The following COG2 variants were observed in gnomAD, a reference collection of about 807,000 sequenced individuals.
COG2 encodes component of oligomeric golgi complex 2.
Under a neutral mutation model 90.6 loss-of-function variants are expected in COG2, and 52 were observed. The ratio of observed to expected loss-of-function variants is 0.57; its 90% CI spans 0.46 to 0.72. The LOEUF (loss-of-function observed/expected upper bound fraction) is 0.72, where lower values mean the gene tolerates loss of function less well. Among genes scored for constraint, COG2 ranks in the 30% least tolerant of loss-of-function variants. The pLI, the probability that COG2 is intolerant of heterozygous loss-of-function variation, is 0.00. For missense variants in COG2, 829 were observed against 891.2 expected, an observed-to-expected ratio of 0.93 and a Z score of 0.89; for synonymous variants, 337 against 320.4, an observed-to-expected ratio of 1.05 and a Z score of -0.55.
rs376181628 is a variant in COG2 at position 230,669,356 on chromosome 1, C to T, written c.595C>T (p.Arg199Cys). The change falls in exon 7 of 18, where the codon CGT becomes TGT. Residue 199 changes from arginine to cysteine, a missense_variant and splice_region_variant. Arg to Cys is a radical substitution (Grantham distance 180). Coordinates refer to ENST00000366669, the MANE Select transcript of COG2 (RefSeq NM_007357.3). ...GMPLLDKVRP[R>C]IAGITAMLQQ... is the part of the protein sequence containing the mutation. ...TTTATTTACCCACCTTTTCTTGCAG[C>T]GTATAGCTGGCATTACAGCCATGTT... The T allele has an allele frequency of 1.0e-5, 16 of 1,603,450 alleles. No homozygotes were observed. The highest frequency in any genetic ancestry group is 1.3e-5 in the African/African-American group (1 of 74,468).
intron 17 of COG2, among the ~76,000 whole-genome samples, chr1:230,692,838 G>C (rs972133105): frequency 2.6e-5 from 4 of 151,938 alleles, no homozygotes; most frequent in Admixed American, 1.3e-4. Context: ...CCATGTCTCG[G>C]TGACCAAAAT....
At chr1:230,688,322 T>A in intron 14 of COG2, 98 bp from the exon 15 acceptor site, 1 of 1,439,862 alleles carries the variant, frequency 6.9e-7, no homozygotes, top group African/African-American at 1.4e-5. Flanking sequence ...TGATCTGATT[T>A]ATTATAGTAC....
chr1:230,686,969 A>C lies in COG2; in HGVS notation c.1415A>C (p.Lys472Thr). ...SLRPISNESP[K>T]EIKKPLVTGS... Reference sequence around the variant, plus strand: ...AGGCCCATTTCTAATGAAAGTCCCAAGGAGATCAAGAAACCTTTGGTAACT... The same window carrying C: ...AGGCCCATTTCTAATGAAAGTCCCACGGAGATCAAGAAACCTTTGGTAACT... The change falls in exon 13 of 18, where the codon AAG (lysine) becomes ACG (threonine). Residue 472 changes from lysine (K) to threonine (T), a missense_variant. Physicochemically the swap from Lys to Thr is moderately conservative, Grantham distance 78. Coordinates refer to ENST00000366669, the MANE Select transcript of COG2 (RefSeq NM_007357.3). 1 of 1,595,490 alleles carries C rather than the reference A, an allele frequency of 6.3e-7. No homozygotes were observed. The highest frequency in any genetic ancestry group is 8.6e-7 in the Non-Finnish European group (1 of 1,168,516).
intron 1 of COG2, among the ~76,000 whole-genome samples, chr1:230,645,610 T>C (rs1463382975): frequency 6.6e-6 from 1 of 152,160 alleles, no homozygotes; most frequent in Non-Finnish European, 1.5e-5. Flanking sequence ...GGGATGGTTT[T>C]GGGGTGATTC....
rs773367874 is a variant in COG2, at chr1:230,663,151, C to G, written c.311C>G (p.Ser104Trp). The G allele has an allele frequency of 6.2e-7, 1 of 1,604,870 alleles. No individual in the cohort carries two copies. Among genetic ancestry groups the G allele is most frequent in the Non-Finnish European group, 8.5e-7 (1 of 1,175,908 alleles). The change falls in exon 4 of 18, where the codon TCG becomes TGG. Residue 104 changes from serine to tryptophan, a missense_variant. Coordinates refer to ENST00000366669, the MANE Select transcript of COG2 (RefSeq NM_007357.3). ...QLREEVLSLR[S>W]SVSEGIRAVD... ...TTTTGTCTTTTAAAGAGCCTTAGAT[C>G]GTCTGTCAGTGAAGGAATTCGGGCA...
intron 7 of COG2, 43 bp downstream of exon 7, chr1:230,669,578 T>G (rs1662399671): frequency 1.3e-6 from 2 of 1,545,056 alleles, no homozygotes; most frequent in Non-Finnish European, 1.8e-6. Context: ...GCTTCTGTTC[T>G]GTCTTTGACT....
chr1:230,647,231 T>C (rs1223885467), intron 1 of COG2, among the ~76,000 whole-genome samples: 1 of 152,206 alleles, frequency 6.6e-6, no homozygotes, highest in African/African-American at 2.4e-5. Context: ...GGTTATCTGA[T>C]TGAAAAAACA....
chr1:230,668,638 CTTAGGGG>C, intron 5 of COG2, 31 bp from the exon 6 acceptor site: 1 of 1,295,918 alleles, frequency 7.7e-7, no homozygotes, highest in Non-Finnish European at 1.1e-6. Context: ...AAATAGAGAC[CTTAGGGG>C]TTACACTTCT....
chr1:230,686,862 C>T (rs989975920), intron 12 of COG2, 73 bp from the exon 13 acceptor site: 24 of 940,514 alleles, frequency 2.6e-5, no homozygotes, highest in Non-Finnish European at 3.7e-5. Context: ...TATTGACGCG[C>T]ACATATGTAA....
chr1:230,691,730 G>A, intron 17 of COG2, 166 bp downstream of exon 17: 2 of 615,536 alleles, frequency 3.2e-6, no homozygotes, highest in Non-Finnish European at 5.6e-6. Flanking sequence ...TTTGCCCCTA[G>A]GCAGTATGAG....
intron 10 of COG2, chr1:230,681,944 C>T (rs1038245884): frequency 6.6e-6 from 1 of 150,988 alleles, no homozygotes; most frequent in Non-Finnish European, 1.5e-5. Flanking sequence ...GGCTCTGCTG[C>T]ATTTCTTTGG....
intron 9 of COG2, among the ~76,000 whole-genome samples, chr1:230,676,065 G>C (rs1360568343): frequency 2.0e-5 from 3 of 152,076 alleles, no homozygotes; most frequent in Non-Finnish European, 4.4e-5. Flanking sequence ...CATTTTAAAG[G>C]CTCAGCCTCT....
rs529611517 is a variant in COG2 at position 230,668,783 on chromosome 1, C to T, written c.593C>T (p.Pro198Leu). Residue 198 changes from proline to leucine, a missense_variant and splice_region_variant, in exon 6 of 18, where the codon CCG becomes CTG. Coordinates refer to ENST00000366669, the MANE Select transcript of COG2 (RefSeq NM_007357.3). The part of the protein sequence containing the change: ...KGMPLLDKVR[P>L]RIAGITAMLQ... The stretch of plus-strand genomic sequence containing the variant: ...ATGCCTCTTTTGGACAAAGTAAGAC[C>T]GGTAAGTGTTGTTTTGGATTTCCAC... 1.1e-5 allele frequency: 18 copies of T among 1,578,020 alleles called. No homozygotes were observed. The East Asian group carries it at 1.4e-4, about 12-fold the overall frequency.
intron 3 of COG2, 34 bp downstream of exon 3, chr1:230,660,857 C>G: frequency 7.0e-7 from 1 of 1,436,380 alleles, no homozygotes. Context: ...ACAGTTTACC[C>G]TAAAGCATGA....
At chr1:230,652,450 T>C (rs1661936833) in intron 1 of COG2, among the ~76,000 whole-genome samples, 1 of 152,254 alleles carries the variant, frequency 6.6e-6, no homozygotes, top group Non-Finnish European at 1.5e-5. Flanking sequence ...TTCATCTATT[T>C]ACCTATTGAA....
chr1:230,652,308 T>C (rs1349802400), intron 1 of COG2, among the ~76,000 whole-genome samples: 1 of 152,228 alleles, frequency 6.6e-6, no homozygotes, highest in Non-Finnish European at 1.5e-5. Context: ...ATACAGTATA[T>C]ATAGCCTTTT....
At chr1:230,689,493 G>A (rs1488038478) in intron 15 of COG2, among the ~76,000 whole-genome samples, 1 of 152,186 alleles carries the variant, frequency 6.6e-6, no homozygotes, top group Non-Finnish European at 1.5e-5. Flanking sequence ...TGCTAGTATT[G>A]TCATTTGCAG....
chr1:230,663,296 T>C lies in COG2; in HGVS notation c.381+75T>C, dbSNP rs369835638. 8.7e-5 allele frequency: 96 copies of C among 1,098,910 alleles called. No homozygotes were observed. In the South Asian group the frequency reaches 1.4e-3, roughly 16 times the overall value. 68.1% of individuals were successfully genotyped at this position (1,098,910 alleles called of 1,614,324 possible). A position where few individuals can be genotyped will look rare whatever the true frequency, so the allele number is the denominator to read the frequency against. On this transcript the variant is annotated intron_variant, in intron 4 of 17. Coordinates refer to ENST00000366669, the MANE Select transcript of COG2 (RefSeq NM_007357.3). ...GTAGTAACAAGCACTTTCAGGCATA[T>C]GGTCTGATTTACTCTTCTTGATACC... is the stretch of plus-strand genomic sequence containing the variant.
intron 8 of COG2, among the ~76,000 whole-genome samples, chr1:230,672,664 TAAAAA>T (rs11297922): frequency 1.4e-5 from 2 of 146,490 alleles, no homozygotes; most frequent in Non-Finnish European, 3.0e-5. Flanking sequence ...AACCCCATCT[TAAAAA>T]AAAAAAAAGG....
Sources: allele counts gnomAD v4.1 joint callset (sites outside exome capture counted in the v4.1 genomes callset), GRCh38; gene constraint gnomAD v4.1.1; transcripts MANE v1.5; gene names NCBI Gene and HGNC (gene_info 2026-07-23, HGNC 2026-07-21).